PDE1A: variants seen among roughly 807,000 people sequenced by gnomAD.
PDE1A encodes the protein phosphodiesterase 1A.
Under a neutral mutation model 61.7 loss-of-function variants are expected in PDE1A, and 35 were observed. The ratio of observed to expected loss-of-function variants is 0.57; its 90% CI spans 0.43 to 0.75. The LOEUF is 0.75. Among genes scored for constraint, PDE1A ranks in the 30% least tolerant of loss-of-function variants. The pLI is 0.00. For missense variants in PDE1A, 597 were observed against 630.6 expected, an observed-to-expected ratio of 0.95 and a Z score of 0.57; for synonymous variants, 232 against 213.2, an observed-to-expected ratio of 1.09 and a Z score of -0.77.
intron 1 of PDE1A, among the ~76,000 whole-genome samples, chr2:182,337,166 T>C (rs541044918): frequency 3.6e-4 from 55 of 152,224 alleles, no homozygotes; most frequent in African/African-American, 1.3e-3. Context: ...TTGCCTTATA[T>C]GTACAGTGTG....
At chr2:182,623,331 C>G in the PDE1A span, among the ~76,000 whole-genome samples, 2 of 152,276 alleles carry the variant, frequency 1.3e-5, no homozygotes, top group East Asian at 3.9e-4. Context: ...GTACACTTCT[C>G]TAGGATAGCC....
At chr2:182,581,183 C>A in the PDE1A span, among the ~76,000 whole-genome samples, 3 of 152,220 alleles carry the variant, frequency 2.0e-5, no homozygotes, top group African/African-American at 7.2e-5. Flanking sequence ...CTGGAAGATA[C>A]CTATTTTCAT....
At chr2:182,341,162 C>A (rs952679808) in intron 1 of PDE1A, among the ~76,000 whole-genome samples, 1 of 152,154 alleles carries the variant, frequency 6.6e-6, no homozygotes, top group African/African-American at 2.4e-5. Flanking sequence ...ATTCTCACAA[C>A]GTTATAGAGA....
intron 1 of PDE1A, among the ~76,000 whole-genome samples, chr2:182,403,883 G>C (rs1464380448): frequency 6.6e-6 from 1 of 152,078 alleles, no homozygotes; most frequent in African/African-American, 2.4e-5. Context: ...ACCTAATGTA[G>C]ATCATGGGTT....
chr2:182,537,200 G>A, the PDE1A span, among the ~76,000 whole-genome samples: 3 of 152,194 alleles, frequency 2.0e-5, no homozygotes, highest in Admixed American at 2.0e-4. Flanking sequence ...AAGGAATATT[G>A]AGGGATAGGA....
At chr2:182,249,260 G>A (rs552468390) in intron 2 of PDE1A, among the ~76,000 whole-genome samples, 1 of 152,348 alleles carries the variant, frequency 6.6e-6, no homozygotes, top group East Asian at 1.9e-4. Context: ...GACCTAATAA[G>A]AAAGCCCAGT....
intron 1 of PDE1A, among the ~76,000 whole-genome samples, chr2:182,339,898 A>C (rs1698071990): frequency 6.6e-6 from 1 of 152,062 alleles, no homozygotes; most frequent in South Asian, 2.1e-4. Flanking sequence ...AAAGTCCTAA[A>C]CCCAATTTAC....
chr2:182,626,024 C>T, the PDE1A span, among the ~76,000 whole-genome samples: 8 of 152,166 alleles, frequency 5.3e-5, no homozygotes, highest in East Asian at 5.8e-4. Flanking sequence ...AGAATGGTAA[C>T]GCTGACAAAG....
intron 2 of PDE1A, among the ~76,000 whole-genome samples, chr2:182,242,332 G>T (rs1456975642): frequency 6.6e-6 from 1 of 152,168 alleles, no homozygotes; most frequent in Non-Finnish European, 1.5e-5. Flanking sequence ...GATGCATGAG[G>T]TCATCTACTG....
At chr2:182,311,881 G>A (rs991031903) in intron 1 of PDE1A, among the ~76,000 whole-genome samples, 2 of 151,984 alleles carry the variant, frequency 1.3e-5, no homozygotes, top group African/African-American at 4.8e-5. Context: ...GTACTATTTT[G>A]TATGCCCAAC....
At chr2:182,225,136 T>C (rs1283272821) in intron 6 of PDE1A, among the ~76,000 whole-genome samples, 2 of 151,888 alleles carry the variant, frequency 1.3e-5, no homozygotes, top group African/African-American at 4.8e-5. Flanking sequence ...GGAAAAAGGC[T>C]GATAGTTAAG....
the PDE1A span, among the ~76,000 whole-genome samples, chr2:182,582,175 C>T: frequency 2.0e-5 from 3 of 152,100 alleles, no homozygotes; most frequent in Non-Finnish European, 4.4e-5. Context: ...TGGCAAGGAT[C>T]AAAATGTCTG....
chr2:182,196,562 T>C (rs1277416863), intron 10 of PDE1A, among the ~76,000 whole-genome samples: 1 of 151,832 alleles, frequency 6.6e-6, no homozygotes, highest in Admixed American at 6.6e-5. Context: ...ACTTGTATAA[T>C]ACTTGATTAA....
the PDE1A span, among the ~76,000 whole-genome samples, chr2:182,615,371 A>T: frequency 6.6e-6 from 1 of 152,162 alleles, no homozygotes; most frequent in Non-Finnish European, 1.5e-5. Flanking sequence ...AAGCAGTAAG[A>T]GATACAAAAA....
At chr2:182,633,912 T>C in the PDE1A span, among the ~76,000 whole-genome samples, 2 of 152,028 alleles carry the variant, frequency 1.3e-5, no homozygotes, top group East Asian at 3.9e-4. Context: ...GGCGAAACCC[T>C]GCTCTACCAA....
chr2:182,443,151 T>A (rs897500775), intron 2 of PDE1A, among the ~76,000 whole-genome samples: 1 of 151,826 alleles, frequency 6.6e-6, no homozygotes, highest in Non-Finnish European at 1.5e-5. Context: ...CTAGGACATA[T>A]AAAACTTTCT....
intron 1 of PDE1A, among the ~76,000 whole-genome samples, chr2:182,295,009 G>C (rs1574276541): frequency 6.9e-6 from 1 of 144,570 alleles, no homozygotes; most frequent in African/African-American, 2.5e-5. Flanking sequence ...ACTTGGTTAA[G>C]TCTCCGTTTA....
chr2:182,299,468 T>C (rs1204797807), intron 1 of PDE1A, among the ~76,000 whole-genome samples: 1 of 145,900 alleles, frequency 6.9e-6, no homozygotes. Flanking sequence ...TGTGGCATCC[T>C]AGATGAAATG....
chr2:182,481,396 A>G (rs765708504), intron 2 of PDE1A, among the ~76,000 whole-genome samples: 27 of 151,956 alleles, frequency 1.8e-4, no homozygotes, highest in Non-Finnish European at 3.5e-4. Context: ...GCTCACTAGC[A>G]TACTGATGAA....
Sources: gnomAD v4.1 joint callset for allele counts (sites outside exome capture counted in the v4.1 genomes callset) on GRCh38, gnomAD v4.1.1 for gene constraint, MANE v1.5 for transcripts, NCBI Gene and HGNC (gene_info 2026-07-23, HGNC 2026-07-21) for gene names.